HS6ST2: variants seen among roughly 807,000 people sequenced by gnomAD.
HS6ST2 encodes heparan sulfate 6-O-sulfotransferase 2.
HS6ST2 carries 17 observed loss-of-function variants against 33.0 expected under a neutral mutation model. The ratio of observed to expected loss-of-function variants is 0.52; its 90% confidence interval spans 0.35 to 0.77. HS6ST2 has a LOEUF of 0.77. Among genes scored for constraint, HS6ST2 ranks in the 30% least tolerant of loss-of-function variants. HS6ST2 has a pLI of 0.01. For missense variants in HS6ST2, 519 were observed against 551.7 expected (o/e 0.94, Z 0.59); for synonymous variants, 248 against 237.1 (o/e 1.05, Z -0.42).
At chrX:132,648,327 G>A (rs760160628) in intron 4 of HS6ST2, among the ~76,000 whole-genome samples, 2 of 111,385 alleles carry the variant, frequency 1.8e-5, no homozygotes, top group East Asian at 5.7e-4. Context: ...GTGGGTCCCA[G>A]TGCATGAGGA....
chrX:132,956,935 C>G lies in HS6ST2; in HGVS notation c.820G>C (p.Glu274Gln). Residue 274 changes from glutamate to glutamine, a missense_variant, in exon 2 of 5, where the codon GAA becomes CAA. Glu to Gln is a conservative substitution (Grantham distance 29). Coordinates refer to ENST00000370833, the MANE Select transcript of HS6ST2 (RefSeq NM_001394073.1). ...KCTCHRPGKR[E>Q]TWLFSRFSTG... ...GAGAACCTGGAGAAGAGCCAGGTTT[C>G]CCGCTTACCCGGCCGGTGGCAAGTG... 1 of 1,204,740 alleles carries G rather than the reference C, an allele frequency of 8.3e-7. No individual in the cohort carries two copies. The highest frequency in any genetic ancestry group is 1.1e-6 in the Non-Finnish European group (1 of 891,966).
intron 2 of HS6ST2, among the ~76,000 whole-genome samples, chrX:132,915,969 G>A (rs914677339): frequency 9.1e-5 from 10 of 109,509 alleles, no homozygotes; most frequent in Admixed American, 2.0e-4. Flanking sequence ...TCCTGACCTC[G>A]TGATCCACCT....
At position 132,807,445 on chromosome X, in the gene HS6ST2, G is replaced by T. The variant is rs773026250; in HGVS notation, c.948-98951C>A. Among the ~76,000 whole-genome samples, 230 of 104,448 alleles carry T rather than the reference G, an allele frequency of 2.2e-3. 4 individuals are homozygous for T. The highest frequency in any genetic ancestry group is 9.8e-3 in the Middle Eastern group (2 of 205). The allele number at this position is 104,448 out of a possible 115,157, so 90.7% of individuals were successfully genotyped here. A position where few individuals can be genotyped will look rare whatever the true frequency, so the allele number is the denominator to read the frequency against. ...ACTAAAGAGAGCCTAAAGAATAAAGGGGGTCCAATGAGTAGAGCTGAAGGG... is the reference window on the plus strand; with the variant it reads ...ACTAAAGAGAGCCTAAAGAATAAAGTGGGTCCAATGAGTAGAGCTGAAGGG... On this transcript the variant is annotated intron_variant, in intron 2 of 4. Coordinates refer to ENST00000370833, the MANE Select transcript of HS6ST2 (RefSeq NM_001394073.1).
intron 3 of HS6ST2, among the ~76,000 whole-genome samples, chrX:132,695,587 A>G (rs2064097769): frequency 8.9e-6 from 1 of 111,776 alleles, no homozygotes; most frequent in African/African-American, 3.3e-5. Flanking sequence ...AAGTAAGAAA[A>G]ATCACACTAT....
At chrX:132,795,838 G>A (rs2065172662) in intron 2 of HS6ST2, among the ~76,000 whole-genome samples, 1 of 111,275 alleles carries the variant, frequency 9.0e-6, no homozygotes, top group Non-Finnish European at 1.9e-5. Context: ...CAAACTCCAG[G>A]GCTCAAGCAA....
chrX:132,804,411 C>A (rs1033352041), intron 2 of HS6ST2, among the ~76,000 whole-genome samples: 10 of 112,063 alleles, frequency 8.9e-5, no homozygotes, highest in Non-Finnish European at 1.9e-4. Flanking sequence ...TTGGCCTCAT[C>A]TTGAGGAAGA....
At chrX:132,859,286 A>T (rs1472274385) in intron 2 of HS6ST2, among the ~76,000 whole-genome samples, 1 of 111,970 alleles carries the variant, frequency 8.9e-6, no homozygotes, top group Non-Finnish European at 1.9e-5. Context: ...CATTGAAAAC[A>T]CACTTGTAGC....
In HS6ST2 at chrX:132,926,853, G is replaced by A. The variant is rs762204224; in HGVS notation, c.947+29955C>T. ...CAGGAGAATCACTTGAACCCAGGAGGTGGAGGTTGCAGTAAACTGAGATCG... is the reference window on the plus strand; with the variant it reads ...CAGGAGAATCACTTGAACCCAGGAGATGGAGGTTGCAGTAAACTGAGATCG... On this transcript the variant is annotated intron_variant, in intron 2 of 4. Transcript: ENST00000370833. 3.6e-5 allele frequency among the ~76,000 whole-genome samples: 4 copies of A among 111,880 alleles called. No homozygotes were observed. In the South Asian group the frequency reaches 1.5e-3, roughly 43 times the overall value.
intron 4 of HS6ST2, among the ~76,000 whole-genome samples, chrX:132,653,494 G>C (rs1291706159): frequency 9.0e-6 from 1 of 111,726 alleles, no homozygotes; most frequent in East Asian, 2.8e-4. Flanking sequence ...TGTGTTGATA[G>C]TGGTGACGGG....
chrX:132,932,373 T>A (rs1038572897), intron 2 of HS6ST2, among the ~76,000 whole-genome samples: 2 of 110,468 alleles, frequency 1.8e-5, no homozygotes, highest in Non-Finnish European at 3.8e-5. Flanking sequence ...CCCAAAGAAA[T>A]CCCTGCTAAA....
intron 2 of HS6ST2, among the ~76,000 whole-genome samples, chrX:132,924,414 A>G (rs2066689100): frequency 1.8e-5 from 2 of 112,042 alleles, no homozygotes; most frequent in South Asian, 7.5e-4. Context: ...AATAGAATCA[A>G]TCCTCGCTTA....
chrX:132,880,601 C>T (rs1205239157), intron 2 of HS6ST2, among the ~76,000 whole-genome samples: 1 of 107,993 alleles, frequency 9.3e-6, no homozygotes, highest in African/African-American at 3.4e-5. Flanking sequence ...TTAGCAGAGA[C>T]TATTTAACCA....
chrX:132,745,320 A>G (rs774159948), intron 2 of HS6ST2, among the ~76,000 whole-genome samples: 2 of 112,049 alleles, frequency 1.8e-5, no homozygotes, highest in African/African-American at 3.2e-5. Flanking sequence ...TCTGACCTCA[A>G]AGGATCTGCC....
intron 4 of HS6ST2, among the ~76,000 whole-genome samples, chrX:132,637,524 C>CA (rs2063557178): frequency 1.9e-5 from 2 of 106,718 alleles, no homozygotes; most frequent in Non-Finnish European, 3.8e-5. Flanking sequence ...GCTACTGGTT[C>CA]ACGAAAGGCC....
chrX:132,774,288 G>T (rs989197951), intron 2 of HS6ST2, among the ~76,000 whole-genome samples: 9 of 112,620 alleles, frequency 8.0e-5, no homozygotes, highest in Non-Finnish European at 1.5e-4. Flanking sequence ...GGTTTAGGGG[G>T]TTGAGAGAAA....
At chrX:132,650,613 G>C (rs1044581030) in intron 4 of HS6ST2, among the ~76,000 whole-genome samples, 2 of 110,299 alleles carry the variant, frequency 1.8e-5, no homozygotes, top group Non-Finnish European at 3.8e-5. Flanking sequence ...GATCCTTCTT[G>C]GCCTCTTTTT....
chrX:132,912,323 G>A (rs2066543593), intron 2 of HS6ST2, among the ~76,000 whole-genome samples: 1 of 112,480 alleles, frequency 8.9e-6, no homozygotes, highest in Non-Finnish European at 1.9e-5. Context: ...TGGACAGTCT[G>A]TGTTTTCACA....
At chrX:132,796,311 C>T (rs1272543675) in intron 2 of HS6ST2, among the ~76,000 whole-genome samples, 1 of 111,665 alleles carries the variant, frequency 9.0e-6, no homozygotes, top group Non-Finnish European at 1.9e-5. Flanking sequence ...ATTTTCCATC[C>T]AACCTACCGA....
At chrX:132,674,724 G>A (rs967383754) in intron 3 of HS6ST2, among the ~76,000 whole-genome samples, 2 of 112,092 alleles carry the variant, frequency 1.8e-5, no homozygotes, top group African/African-American at 6.5e-5. Flanking sequence ...TTTACCAACA[G>A]TATGGACCGT....
Sources: allele counts gnomAD v4.1 joint callset (sites outside exome capture counted in the v4.1 genomes callset), GRCh38; gene constraint gnomAD v4.1.1; transcripts MANE v1.5; gene names NCBI Gene and HGNC (gene_info 2026-07-23, HGNC 2026-07-21).